Variants in IL3RA observed in about 807,000 individuals in gnomAD.
IL3RA encodes interleukin 3 receptor subunit alpha, also known as interleukin-3 receptor subunit alpha.
A neutral mutation model predicts 52.3 loss-of-function variants in IL3RA; 73 were observed. The ratio of observed to expected loss-of-function variants is 1.40; its 90% CI spans 1.16 to 1.70. The LOEUF is 1.70. Among genes scored for constraint, IL3RA ranks in the 40% most tolerant of loss-of-function variants. The pLI, the probability that IL3RA is intolerant of heterozygous loss-of-function variation, is 0.00. For synonymous variants in IL3RA, 260 were observed against 194.0 expected, an observed-to-expected ratio of 1.34 and a Z score of -2.83; for missense variants, 664 against 504.4, an observed-to-expected ratio of 1.32 and a Z score of -3.03.
At chrX:1,352,266 C>G (rs377432276) in intron 5 of IL3RA, 34 bp downstream of exon 5, 2 of 1,613,072 alleles carry the variant, frequency 1.2e-6, no homozygotes, top group Non-Finnish European at 1.7e-6. Context: ...CCGGGCTGTC[C>G]CTGGTGCGGG....
intron 8 of IL3RA, among the ~76,000 whole-genome samples, chrX:1,360,041 C>G (rs1421185249): frequency 5.4e-5 from 8 of 149,014 alleles, no homozygotes; most frequent in African/African-American, 2.0e-4. Context: ...ATCTCTCTCT[C>G]TCTGTCTGTC....
chrX:1,363,353 T>C (rs1466822577), intron 8 of IL3RA, among the ~76,000 whole-genome samples: 1 of 147,492 alleles, frequency 6.8e-6, no homozygotes, highest in Non-Finnish European at 1.5e-5. Context: ...CAGGCTGGAG[T>C]GCAGTGGCGC....
At chrX:1,354,500 A>G in intron 6 of IL3RA, among the ~76,000 whole-genome samples, 1 of 144,600 alleles carries the variant, frequency 6.9e-6, no homozygotes, top group Non-Finnish European at 1.5e-5. Flanking sequence ...CAGGGGGAGG[A>G]GGAGGAGAAG....
At chrX:1,355,472 G>A in intron 6 of IL3RA, among the ~76,000 whole-genome samples, 1 of 142,640 alleles carries the variant, frequency 7.0e-6, no homozygotes. Flanking sequence ...AGGAGGGGGA[G>A]GAGGAGGAGG....
At chrX:1,343,678 A>T (rs868547875) in intron 2 of IL3RA, among the ~76,000 whole-genome samples, 2 of 150,316 alleles carry the variant, frequency 1.3e-5, no homozygotes, top group South Asian at 2.1e-4. Context: ...AAAAAAAAAA[A>T]AAAAAAAGAA....
chrX:1,338,809 G>T (rs1241659597), intron 1 of IL3RA, among the ~76,000 whole-genome samples: 1 of 151,242 alleles, frequency 6.6e-6, no homozygotes, highest in South Asian at 2.1e-4. Flanking sequence ...AGAAGTGGTG[G>T]TTTTTTTTGA....
At chrX:1,367,447 G>C (rs2088184930) in intron 9 of IL3RA, among the ~76,000 whole-genome samples, 1 of 73,268 alleles carries the variant, frequency 1.4e-5, no homozygotes, top group Non-Finnish European at 2.5e-5. Context: ...AGCCGGGTGC[G>C]CGGGGTGAGC....
chrX:1,377,355 CTCAGCCT>C (rs1489466243), intron 9 of IL3RA, among the ~76,000 whole-genome samples: 21 of 151,900 alleles, frequency 1.4e-4, no homozygotes, highest in Non-Finnish European at 2.5e-4. Flanking sequence ...ATTCTCCTGC[CTCAGCCT>C]TCTGAGTAGC....
chrX:1,378,823 T>A, intron 10 of IL3RA, 59 bp downstream of exon 10: 1 of 1,396,216 alleles, frequency 7.2e-7, no homozygotes, highest in Non-Finnish European at 1.0e-6. Context: ...CTGAAAGTTA[T>A]TCACAGAACC....
At chrX:1,362,815 A>G (rs2087561612) in intron 8 of IL3RA, among the ~76,000 whole-genome samples, 1 of 151,720 alleles carries the variant, frequency 6.6e-6, no homozygotes, top group Non-Finnish European at 1.5e-5. Context: ...TCGCTCTGTC[A>G]CCCAGGCTGG....
chrX:1,378,697 C>G lies in IL3RA; in HGVS notation c.913C>G (p.Arg305Gly). The part of the protein sequence containing the change: ...QEEGANTRAW[R>G]TSLLIALGTL... ...GGAGGGCGCAAACACACGTGCCTGG[C>G]GGACGTCGCTGCTGATCGCGCTGGG... is the stretch of plus-strand genomic sequence containing the variant. The change falls in exon 10 of 12, where the codon CGG becomes GGG. Residue 305 changes from arginine to glycine, a missense_variant. Physicochemically the swap from Arg to Gly is moderately radical, Grantham distance 125. Coordinates refer to ENST00000331035, the MANE Select transcript of IL3RA (RefSeq NM_002183.4). 6.2e-7 allele frequency: 1 copy of G among 1,612,696 alleles called. No individual in the cohort carries two copies. Among genetic ancestry groups the G allele is most frequent in the Non-Finnish European group, 8.5e-7 (1 of 1,179,838 alleles).
chrX:1,345,095 G>GA (rs1421384914), intron 2 of IL3RA, among the ~76,000 whole-genome samples: 2 of 151,484 alleles, frequency 1.3e-5, no homozygotes, highest in African/African-American at 2.4e-5. Flanking sequence ...CTTGAACCAG[G>GA]AGGCGGAGCT....
intron 10 of IL3RA, among the ~76,000 whole-genome samples, chrX:1,380,771 T>C (rs1376044281): frequency 1.3e-5 from 2 of 151,330 alleles, no homozygotes; most frequent in Admixed American, 1.3e-4. Flanking sequence ...ACCAGGGGTC[T>C]GTCTTTGCAG....
intron 3 of IL3RA, 88 bp from the exon 4 acceptor site, chrX:1,348,343 A>AAC: frequency 9.5e-7 from 1 of 1,052,904 alleles, no homozygotes; most frequent in Non-Finnish European, 1.5e-6. Flanking sequence ...ACGAGAGCGA[A>AAC]ACTCTGCCTC....
chrX:1,360,055 GTA>G (rs2087089973), intron 8 of IL3RA, among the ~76,000 whole-genome samples: 4 of 119,740 alleles, frequency 3.3e-5, no homozygotes, highest in African/African-American at 6.6e-5. Flanking sequence ...GTCTGTCTCT[GTA>G]TCTCTCTCCC....
chrX:1,368,655 T>C (rs6645272), intron 9 of IL3RA, among the ~76,000 whole-genome samples: 3,664 of 151,842 alleles, frequency 0.024, 96 homozygotes, highest in East Asian at 0.15. Context: ...CTGGGGTCCT[T>C]ATAAGAAGAG....
rs372853785 is a variant in IL3RA at position 1,341,840 on chromosome X, G to C, written c.64+11G>C. Reference sequence around the variant, plus strand: ...TGCAAACGAAGGAAGGTAAGAACTGGAGAAAAAATGCACGTGCCACCTGGG... The same window carrying C: ...TGCAAACGAAGGAAGGTAAGAACTGCAGAAAAAATGCACGTGCCACCTGGG... On this transcript the variant is annotated intron_variant, in intron 2 of 11. Transcript: ENST00000331035. 5 of 1,613,668 alleles carry C rather than the reference G, an allele frequency of 3.1e-6. No individual in the cohort carries two copies. The African/African-American group carries it at 4.0e-5, about 13-fold the overall frequency.
chrX:1,378,451 G>A (rs753630810), intron 9 of IL3RA, among the ~76,000 whole-genome samples: 25 of 151,094 alleles, frequency 1.7e-4, no homozygotes, highest in East Asian at 1.2e-3. Context: ...TCCGGAAGTC[G>A]CTCCCGGTCC....
chrX:1,351,536 C>T (rs1314102845), intron 4 of IL3RA, among the ~76,000 whole-genome samples: 3 of 150,902 alleles, frequency 2.0e-5, no homozygotes, highest in African/African-American at 4.9e-5. Context: ...ACCATGTTAG[C>T]CAGGCCGGTC....
Sources: gnomAD v4.1 joint callset for allele counts (sites outside exome capture counted in the v4.1 genomes callset) on GRCh38, gnomAD v4.1.1 for gene constraint, MANE v1.5 for transcripts, NCBI Gene and HGNC (gene_info 2026-07-23, HGNC 2026-07-21) for gene names.